Variants in SPECC1 observed in about 807,000 individuals in gnomAD.
SPECC1 encodes sperm antigen with calponin homology and coiled-coil domains 1.
In SPECC1, 62 loss-of-function variants were observed where a neutral mutation model predicts 104.1. The ratio of observed to expected loss-of-function variants is 0.60; its 90% CI spans 0.49 to 0.74. The LOEUF (loss-of-function observed/expected upper bound fraction) is 0.74. Among genes scored for constraint, SPECC1 ranks in the 30% least tolerant of loss-of-function variants. The pLI is 0.00. For missense variants in SPECC1, 1,306 were observed against 1,310.5 expected (o/e 1.00, Z 0.05); for synonymous variants, 513 against 501.6 (o/e 1.02, Z -0.30).
At chr17:20,052,689 G>A (rs2045819611) in intron 1 of SPECC1, among the ~76,000 whole-genome samples, 1 of 152,190 alleles carries the variant, frequency 6.6e-6, no homozygotes. Context: ...TCTTAGATAC[G>A]TGGCCCAATC....
intron 12 of SPECC1, among the ~76,000 whole-genome samples, chr17:20,266,368 G>A (rs912711162): frequency 2.0e-5 from 3 of 152,042 alleles, no homozygotes; most frequent in Non-Finnish European, 4.4e-5. Flanking sequence ...TGGATCACAA[G>A]GTCGGGAGAT....
intron 1 of SPECC1, among the ~76,000 whole-genome samples, chr17:20,053,825 T>C (rs2045863846): frequency 6.6e-6 from 1 of 152,248 alleles, no homozygotes; most frequent in African/African-American, 2.4e-5. Flanking sequence ...CAGCTAAGCC[T>C]ATCTTAGATT....
intron 3 of SPECC1, among the ~76,000 whole-genome samples, chr17:20,122,951 A>G (rs1360406993): frequency 1.3e-5 from 2 of 152,224 alleles, no homozygotes; most frequent in African/African-American, 2.4e-5. Flanking sequence ...ACAGGTGTAC[A>G]GATATCTCCT....
intron 9 of SPECC1, among the ~76,000 whole-genome samples, chr17:20,251,424 C>G (rs2039630999): frequency 1.3e-5 from 2 of 152,032 alleles, no homozygotes; most frequent in Admixed American, 1.3e-4. Flanking sequence ...TGCTTTCCCA[C>G]AGGATTGTGA....
At chr17:20,265,823 A>C (rs1475759461) in intron 12 of SPECC1, among the ~76,000 whole-genome samples, 2 of 152,230 alleles carry the variant, frequency 1.3e-5, no homozygotes, top group South Asian at 2.1e-4. Flanking sequence ...TCAGCCAGTC[A>C]TCCCAGCAGC....
At chr17:20,257,648 G>T (rs1172241250) in intron 11 of SPECC1, 41 bp downstream of exon 11, 1 of 1,603,586 alleles carries the variant, frequency 6.2e-7, no homozygotes, top group South Asian at 1.1e-5. Context: ...AAAACATCGG[G>T]CTAATCACCT....
intron 7 of SPECC1, among the ~76,000 whole-genome samples, chr17:20,245,146 C>G (rs758694660): frequency 3.3e-5 from 5 of 152,296 alleles, no homozygotes; most frequent in Middle Eastern, 3.4e-3. Context: ...ATTGCACTCT[C>G]GTTGGCTTAG....
chr17:20,061,571 G>T (rs572709675), intron 1 of SPECC1, among the ~76,000 whole-genome samples: 1 of 152,322 alleles, frequency 6.6e-6, no homozygotes, highest in African/African-American at 2.4e-5. Flanking sequence ...ACCTTTGATT[G>T]CTATAAACAA....
intron 1 of SPECC1, among the ~76,000 whole-genome samples, chr17:20,080,289 C>T (rs1004831385): frequency 2.0e-5 from 3 of 152,086 alleles, no homozygotes; most frequent in Admixed American, 6.6e-5. Flanking sequence ...ATTTAGCTGG[C>T]AGGGGGACTC....
intron 1 of SPECC1, among the ~76,000 whole-genome samples, chr17:20,059,469 A>C (rs964070024): frequency 6.6e-6 from 1 of 152,102 alleles, no homozygotes. Flanking sequence ...CCGGTTCCTA[A>C]CAGGCTATGA....
Position 20,177,169 on chromosome 17 carries a change from T to G in SPECC1, c.284-27164T>G, listed in dbSNP as rs1291893164. On this transcript the variant is annotated intron_variant, in intron 3 of 14. Coordinates refer to ENST00000395527, the MANE Select transcript of SPECC1 (RefSeq NM_001243439.2). Reference sequence around the variant, plus strand: ...AACAACACTTGCTAAGAAATAGACTTGTAAAAAAAATCCAGCAATTTTGAG... The same window carrying G: ...AACAACACTTGCTAAGAAATAGACTGGTAAAAAAAATCCAGCAATTTTGAG... 4.6e-5 allele frequency among the ~76,000 whole-genome samples: 7 copies of G among 152,236 alleles called. No homozygotes were observed. The East Asian group carries it at 1.4e-3, about 29-fold the overall frequency.
rs146570117 is a variant in SPECC1, at chr17:20,168,014, A to G, written c.284-36319A>G. Among the ~76,000 whole-genome samples the G allele has an allele frequency of 1.7e-3, 261 of 152,358 alleles. 2 individuals are homozygous for G. The highest frequency in any genetic ancestry group is 5.7e-3 in the African/African-American group (235 of 41,590). On this transcript the variant is annotated intron_variant, in intron 3 of 14. Coordinates refer to ENST00000395527, the MANE Select transcript of SPECC1 (RefSeq NM_001243439.2). ...ACACATAAGACAGCTGAATGCAAAT[A>G]TAGCCAAAATTATGAAGGTGATATT...
intron 7 of SPECC1, chr17:20,236,946 A>G: frequency 6.2e-7 from 1 of 1,612,142 alleles, no homozygotes; most frequent in South Asian, 1.1e-5. Context: ...AGCCATCTCT[A>G]GATGAAAGGG....
Position 20,204,693 on chromosome 17 carries a change from C to T in SPECC1, c.644C>T (p.Thr215Ile), listed in dbSNP as rs1418394732. 6.2e-7 allele frequency: 1 copy of T among 1,613,848 alleles called. No homozygotes were observed. Among genetic ancestry groups the T allele is most frequent in the Non-Finnish European group, 8.5e-7 (1 of 1,179,942 alleles). Residue 215 changes from threonine (T) to isoleucine (I), a missense_variant, in exon 4 of 15, where the codon ACA becomes ATA. By Grantham distance (89) the Thr-to-Ile change is moderately conservative. This residue lies in a region of SPECC1 where 1,177 missense variants were observed against 1,139.9 expected (regional missense o/e 1.03). Transcript: ENST00000395527. ...GCTTTGGGCCCAAATGTCGATGGAA[C>T]ATCAGTCTCCCCAGGTGACACGGAA... is the stretch of plus-strand genomic sequence containing the variant. ...TDALGPNVDGTSVSPGDTEPM... is the reference protein window; with the variant it reads ...TDALGPNVDGISVSPGDTEPM...
intron 1 of SPECC1, among the ~76,000 whole-genome samples, chr17:20,080,843 C>T (rs1238624293): frequency 6.6e-6 from 1 of 152,122 alleles, no homozygotes; most frequent in Non-Finnish European, 1.5e-5. Context: ...CTTGGCCATC[C>T]TGAGGAGGGC....
chr17:20,250,747 T>C (rs1435029918), intron 9 of SPECC1, among the ~76,000 whole-genome samples: 3 of 152,162 alleles, frequency 2.0e-5, no homozygotes. Context: ...GCAAGAACAT[T>C]AATAGACAAG....
chr17:20,080,592 G>A (rs1433447643), intron 1 of SPECC1, among the ~76,000 whole-genome samples: 1 of 152,034 alleles, frequency 6.6e-6, no homozygotes. Flanking sequence ...GCAGTCTCGG[G>A]GAGGTTTCGC....
Position 20,314,191 on chromosome 17 carries a change from T to A in SPECC1, c.*126T>A. The A allele has an allele frequency of 1.3e-6, 1 of 775,030 alleles. No homozygotes were observed. Among genetic ancestry groups the A allele is most frequent in the Non-Finnish European group, 2.2e-6 (1 of 461,886 alleles). The allele number at this position is 775,030 out of a possible 1,614,324, so 48.0% of individuals were successfully genotyped here. A position where few individuals can be genotyped will look rare whatever the true frequency, so the allele number is the denominator to read the frequency against. ...GCCTAGACTTCAAAGACAGGCTCAA[T>A]CCAAGTGGACCAACACCCAAATAAG... On this transcript the variant is annotated 3_prime_UTR_variant, in exon 15 of 15. Coordinates refer to ENST00000395527, the MANE Select transcript of SPECC1 (RefSeq NM_001243439.2).
chr17:20,113,561 A>T (rs2048600857), intron 3 of SPECC1, among the ~76,000 whole-genome samples: 1 of 152,190 alleles, frequency 6.6e-6, no homozygotes, highest in Non-Finnish European at 1.5e-5. Context: ...CATTTTTATA[A>T]TGTTTACTTT....
Sources: gnomAD v4.1 joint callset for allele counts (sites outside exome capture counted in the v4.1 genomes callset) on GRCh38, gnomAD v4.1.1 for gene constraint, gnomAD v4.1.1 regional missense constraint, MANE v1.5 for transcripts, NCBI Gene and HGNC (gene_info 2026-07-23, HGNC 2026-07-21) for gene names.